CARM1: variants seen among roughly 807,000 people sequenced by gnomAD.
CARM1 encodes histone-arginine methyltransferase CARM1.
In CARM1, 14 loss-of-function variants were observed where a neutral mutation model predicts 72.7. The ratio of observed to expected loss-of-function variants is 0.19; its 90% confidence interval spans 0.13 to 0.30. The LOEUF (loss-of-function observed/expected upper bound fraction) is 0.30. Ranked by LOEUF, CARM1 falls within the 10% of genes least tolerant of loss-of-function variation. The pLI is 1.00. For synonymous variants in CARM1, 333 were observed against 345.5 expected, an observed-to-expected ratio of 0.96 and a Z score of 0.40; for missense variants, 432 against 833.7, an observed-to-expected ratio of 0.52 and a Z score of 5.93.
chr19:10,893,540 G>A (rs965120516), intron 1 of CARM1, among the ~76,000 whole-genome samples: 14 of 151,976 alleles, frequency 9.2e-5, no homozygotes, highest in African/African-American at 2.7e-4. Flanking sequence ...GGTTTTCACC[G>A]TGTTAGCCAG....
rs2074196762 is a variant in CARM1 at position 10,916,327 on chromosome 19, C to T, written c.848-80C>T. On this transcript the variant is annotated intron_variant, in intron 6 of 15. Transcript: ENST00000327064. This position sits in a 1 kb window ranked among gnomAD's most constrained non-coding sequence, Gnocchi z 4.4. ...GCTGGGAGCACCCAGGGTTGGGGGT[C>T]TTGGGGTCCTTTGGAAGCTCTGCCA... 1 of 954,248 alleles carries T rather than the reference C, an allele frequency of 1.0e-6. No individual in the cohort carries two copies. Among genetic ancestry groups the T allele is most frequent in the Non-Finnish European group, 1.7e-6 (1 of 594,864 alleles). 59.1% of individuals were successfully genotyped at this position (954,248 alleles called of 1,614,324 possible).
In CARM1 at chr19:10,915,131, C is replaced by G. The variant is rs893897199; in HGVS notation, c.847+1077C>G. Among the ~76,000 whole-genome samples the G allele has an allele frequency of 6.6e-6, 1 of 152,150 alleles. No homozygotes were observed. Among genetic ancestry groups the G allele is most frequent in the Non-Finnish European group, 1.5e-5 (1 of 68,014 alleles). On this transcript the variant is annotated intron_variant, in intron 6 of 15. Transcript: ENST00000327064. The surrounding 1 kb of genome is among the most constrained non-coding windows in gnomAD (Gnocchi z 4.6). ...CTCTGGCCCGCCCTGGATCCAGGCC[C>G]TAGGGTCCTGGCTGGCTGTGCTCCT...
intron 1 of CARM1, among the ~76,000 whole-genome samples, chr19:10,898,730 A>G (rs974781031): frequency 3.3e-5 from 5 of 151,638 alleles, no homozygotes; most frequent in Admixed American, 6.6e-5. Context: ...GCTCCCTTCT[A>G]CCCTCCTCCT....
Position 10,921,487 on chromosome 19 carries a change from C to T in CARM1, c.1684+44C>T, listed in dbSNP as rs201107933. ...GCAGGGCCCGTGGGGGCCGAGCTAG[C>T]GTGTGAGTCGCCATCCTCTGTCCGG... On this transcript the variant is annotated intron_variant, in intron 15 of 15. Transcript: ENST00000327064. The T allele has an allele frequency of 4.3e-4, 676 of 1,578,614 alleles. 1 individual carries two copies. The highest frequency in any genetic ancestry group is 1.7e-3 in the Middle Eastern group (10 of 5,880).
Position 10,871,942 on chromosome 19 carries a change from G to T in CARM1, c.220+20G>T. ...ACAGCCGTGAGTACGGGGCCCCGGG[G>T]CAGGCGCAGGGCCGGGGCTGCTCAC... On this transcript the variant is annotated intron_variant, in intron 1 of 15. Coordinates refer to ENST00000327064, the MANE Select transcript of CARM1 (RefSeq NM_199141.2). This position sits in a 1 kb window ranked among gnomAD's most constrained non-coding sequence, Gnocchi z 5.6. 8.5e-7 allele frequency: 1 copy of T among 1,180,722 alleles called. No individual in the cohort carries two copies. The highest frequency in any genetic ancestry group is 1.0e-6 in the Non-Finnish European group (1 of 954,548). 73.1% of individuals were successfully genotyped at this position (1,180,722 alleles called of 1,614,324 possible).
At chr19:10,914,303 C>T (rs2074178217) in intron 6 of CARM1, among the ~76,000 whole-genome samples, 1 of 152,246 alleles carries the variant, frequency 6.6e-6, no homozygotes, top group Non-Finnish European at 1.5e-5. Flanking sequence ...TCTCCTGGCA[C>T]CTCTGCCGTC....
rs920906819 is a variant in CARM1, at chr19:10,886,599, A to G, written c.220+14677A>G. Among the ~76,000 whole-genome samples the G allele has an allele frequency of 4.6e-5, 7 of 151,640 alleles. No homozygotes were observed. In the South Asian group the frequency reaches 8.3e-4, roughly 18 times the overall value. On this transcript the variant is annotated intron_variant, in intron 1 of 15. Coordinates refer to ENST00000327064, the MANE Select transcript of CARM1 (RefSeq NM_199141.2). ...TCCCAGCACTTTGGGAGGCTGAGGC[A>G]GGTGGATCACAAGGTCAGGAGTTCA...
intron 1 of CARM1, among the ~76,000 whole-genome samples, chr19:10,884,227 G>T (rs2073923839): frequency 6.6e-6 from 1 of 150,488 alleles, no homozygotes; most frequent in Non-Finnish European, 1.5e-5. Context: ...TGTAATCCCA[G>T]TTACTCTGGA....
At position 10,920,032 on chromosome 19, in the gene CARM1, T is replaced by C; in HGVS notation, c.1196+66T>C. 1.6e-6 allele frequency: 2 copies of C among 1,259,412 alleles called. No individual in the cohort carries two copies. The highest frequency in any genetic ancestry group is 2.4e-5 in the South Asian group (2 of 82,774). The allele number at this position is 1,259,412 out of a possible 1,614,324, so 78.0% of individuals were successfully genotyped here. On this transcript the variant is annotated intron_variant, in intron 10 of 15. Transcript: ENST00000327064. This position sits in a 1 kb window ranked among gnomAD's most constrained non-coding sequence, Gnocchi z 5.3. ...CCCAGGGCTTCCTGCAGCTGCAACC[T>C]GGCTGGGGGGGTGGAACATGGCTCC...
intron 1 of CARM1, among the ~76,000 whole-genome samples, chr19:10,899,324 T>G (rs2074047158): frequency 1.3e-5 from 2 of 152,218 alleles, no homozygotes; most frequent in South Asian, 4.1e-4. Flanking sequence ...GTTGCCAGGC[T>G]GCTTGGTAAA....
chr19:10,916,382 G>T lies in CARM1; in HGVS notation c.848-25G>T, dbSNP rs374292061. ...GTGTGGGATGTGTCACCTGACGCCA[G>T]CACCCCTCCCTGCCCCACTCCCAGG... On this transcript the variant is annotated intron_variant, in intron 6 of 15. Coordinates refer to ENST00000327064, the MANE Select transcript of CARM1 (RefSeq NM_199141.2). The surrounding 1 kb of genome is among the most constrained non-coding windows in gnomAD (Gnocchi z 4.4). The T allele has an allele frequency of 6.3e-5, 96 of 1,535,384 alleles. No individual in the cohort carries two copies. Among genetic ancestry groups the T allele is most frequent in the Non-Finnish European group, 8.1e-5 (90 of 1,109,594 alleles).
chr19:10,882,207 C>T (rs1363420557), intron 1 of CARM1, among the ~76,000 whole-genome samples: 2 of 152,186 alleles, frequency 1.3e-5, no homozygotes, highest in Non-Finnish European at 2.9e-5. Context: ...TAGCGTCTGG[C>T]ACTGCAGGAG....
intron 1 of CARM1, among the ~76,000 whole-genome samples, chr19:10,873,138 G>A (rs1162691147): frequency 1.3e-5 from 2 of 152,212 alleles, no homozygotes; most frequent in Non-Finnish European, 2.9e-5. Flanking sequence ...CAGACACTCA[G>A]CTCAACAGAA....
At chr19:10,880,651 G>A (rs577313273) in intron 1 of CARM1, among the ~76,000 whole-genome samples, 18 of 152,000 alleles carry the variant, frequency 1.2e-4, no homozygotes, top group Non-Finnish European at 7.4e-5. Context: ...TGGCAGCCAC[G>A]GCTCCAGAGC....
At chr19:10,881,208 A>G (rs2073899968) in intron 1 of CARM1, among the ~76,000 whole-genome samples, 1 of 152,126 alleles carries the variant, frequency 6.6e-6, no homozygotes, top group Admixed American at 6.6e-5. Context: ...GATATATGAA[A>G]AGGAAGAAAG....
intron 1 of CARM1, among the ~76,000 whole-genome samples, chr19:10,874,715 A>T (rs2073849848): frequency 6.6e-6 from 1 of 152,086 alleles, no homozygotes; most frequent in South Asian, 2.1e-4. Flanking sequence ...TAACATTGAT[A>T]TGGAGATAAA....
chr19:10,895,489 C>G (rs1450968754), intron 1 of CARM1, among the ~76,000 whole-genome samples: 1 of 152,230 alleles, frequency 6.6e-6, no homozygotes, highest in Non-Finnish European at 1.5e-5. Context: ...CCTGCTTGTT[C>G]CGTTGCTTTC....
Position 10,920,437 on chromosome 19 carries a change from A to G in CARM1, c.1198A>G (p.Met400Val). Residue 400 changes from methionine to valine, a missense_variant and splice_region_variant, in exon 11 of 16, where the codon ATG (methionine) becomes GTG (valine). By Grantham distance (21) the Met-to-Val change is conservative (BLOSUM62 1). Coordinates refer to ENST00000327064, the MANE Select transcript of CARM1 (RefSeq NM_199141.2). The surrounding 1 kb of genome is among the most constrained non-coding windows in gnomAD (Gnocchi z 5.3). ...TATGTGCCTGTCCCTGCTCCACAGA[A>G]TGACCGTGTGGCTGTCCACAGCCCC... Reference protein sequence around the residue: ...WFDVAFIGSIMTVWLSTAPTE... With the variant: ...WFDVAFIGSIVTVWLSTAPTE... 1 of 1,608,800 alleles carries G rather than the reference A, an allele frequency of 6.2e-7. No individual in the cohort carries two copies. Among genetic ancestry groups the G allele is most frequent in the South Asian group, 1.1e-5 (1 of 90,988 alleles).
At chr19:10,890,780 T>A (rs1306183142) in intron 1 of CARM1, among the ~76,000 whole-genome samples, 1 of 95,852 alleles carries the variant, frequency 1.0e-5, no homozygotes, top group South Asian at 3.6e-4. Context: ...CACACATATA[T>A]ATATATATAT....
Sources: allele counts gnomAD v4.1 joint callset (sites outside exome capture counted in the v4.1 genomes callset), GRCh38; gene constraint gnomAD v4.1.1; non-coding constraint Gnocchi (gnomAD v3.1); transcripts MANE v1.5; gene names NCBI Gene and HGNC (gene_info 2026-07-23, HGNC 2026-07-21).